SLC24A2: variants seen among roughly 807,000 people sequenced by gnomAD.
SLC24A2 encodes solute carrier family 24 member 2.
Under a neutral mutation model 62.0 loss-of-function variants are expected in SLC24A2, and 36 were observed. That is an observed-to-expected ratio of 0.58 (90% CI 0.44 to 0.77). SLC24A2 has a LOEUF of 0.77. Ranked by LOEUF, SLC24A2 falls within the 30% of genes least tolerant of loss-of-function variation. The pLI is 0.00. For missense variants in SLC24A2, 846 were observed against 817.9 expected (o/e 1.03, Z -0.42); for synonymous variants, 358 against 294.0 (o/e 1.22, Z -2.23).
In SLC24A2 at chr9:19,731,516, CG is replaced by C. The variant is rs1466709155; in HGVS notation, c.930+54420del. Among the ~76,000 whole-genome samples the C allele has an allele frequency of 7.0e-5, 8 of 113,822 alleles. No individual in the cohort carries two copies. In the South Asian group the frequency reaches 1.5e-3, roughly 21 times the overall value. The allele number at this position is 113,822 out of a possible 152,430, so 74.7% of individuals were successfully genotyped here. A position where few individuals can be genotyped will look rare whatever the true frequency, so the allele number is the denominator to read the frequency against. ...ACTTGTTTCTCTCTCTCTCTCTCTCCGTGTGTGTGTGTGTGTGTGTGTGTGT... is the reference window on the plus strand; with the variant it reads ...ACTTGTTTCTCTCTCTCTCTCTCTCCTGTGTGTGTGTGTGTGTGTGTGTGT... On this transcript the variant is annotated intron_variant, in intron 2 of 10. Coordinates refer to ENST00000341998, the MANE Select transcript of SLC24A2 (RefSeq NM_020344.4).
chr9:19,792,551 A>G (rs1823331241), upstream of SLC24A2, among the ~76,000 whole-genome samples: 1 of 150,902 alleles, frequency 6.6e-6, no homozygotes, highest in Admixed American at 6.6e-5. Flanking sequence ...AAAAAAAAAA[A>G]AAAAAAAAAT....
At chr9:20,198,993 T>C in the SLC24A2 span, among the ~76,000 whole-genome samples, 1 of 152,174 alleles carries the variant, frequency 6.6e-6, no homozygotes, top group Non-Finnish European at 1.5e-5. Context: ...CACCTCTTTT[T>C]TTTGGATGGT....
the SLC24A2 span, among the ~76,000 whole-genome samples, chr9:20,150,325 A>G: frequency 6.6e-6 from 1 of 151,992 alleles, no homozygotes; most frequent in Non-Finnish European, 1.5e-5. Context: ...TCAGCAAGAG[A>G]CAGCCACTTG....
chr9:20,238,660 G>A, the SLC24A2 span, among the ~76,000 whole-genome samples: 3 of 152,154 alleles, frequency 2.0e-5, no homozygotes, highest in African/African-American at 7.2e-5. Context: ...GCACTGTGAG[G>A]GGCCTTGTTT....
the SLC24A2 span, among the ~76,000 whole-genome samples, chr9:19,992,612 G>C: frequency 1.3e-5 from 2 of 152,154 alleles, no homozygotes; most frequent in African/African-American, 4.8e-5. Flanking sequence ...CAAGAATCTG[G>C]GGAATCTTGG....
the SLC24A2 span, among the ~76,000 whole-genome samples, chr9:19,900,877 G>A: frequency 1.3e-5 from 2 of 152,116 alleles, no homozygotes; most frequent in Non-Finnish European, 2.9e-5. Context: ...AGAAAGGAAT[G>A]GAAAAACACA....
At chr9:19,661,451 T>C (rs1278092853) in intron 2 of SLC24A2, among the ~76,000 whole-genome samples, 2 of 152,092 alleles carry the variant, frequency 1.3e-5, no homozygotes, top group African/African-American at 2.4e-5. Context: ...GTTAAAGAAA[T>C]GTCAGAATTT....
At chr9:19,524,697 C>T (rs1257640387) in intron 9 of SLC24A2, among the ~76,000 whole-genome samples, 3 of 152,110 alleles carry the variant, frequency 2.0e-5, no homozygotes, top group African/African-American at 7.2e-5. Context: ...ACTTCTCTTC[C>T]ATCAATGAAA....
the SLC24A2 span, among the ~76,000 whole-genome samples, chr9:20,081,863 A>G: frequency 6.6e-6 from 1 of 152,120 alleles, no homozygotes; most frequent in East Asian, 1.9e-4. Context: ...ACCCAACATA[A>G]ATATTCTAAT....
intron 7 of SLC24A2, among the ~76,000 whole-genome samples, chr9:19,553,195 T>G (rs1834927654): frequency 6.6e-6 from 1 of 152,202 alleles, no homozygotes; most frequent in East Asian, 1.9e-4. Context: ...GCAAGCTGGT[T>G]AGAGAAGTGG....
chr9:19,596,334 T>C (rs1432169850), intron 5 of SLC24A2, among the ~76,000 whole-genome samples: 1 of 152,190 alleles, frequency 6.6e-6, no homozygotes. Context: ...TTCCATTTCT[T>C]GTCAGTATCC....
rs1817858769 is a variant in SLC24A2 at position 19,619,582 on chromosome 9, A to G, written c.1078+2T>C. On this transcript the variant is annotated splice_donor_variant, in intron 4 of 10. Transcript: ENST00000341998. LOFTEE classifies it high-confidence loss of function. ...GTTCCCAAACCAAAGCTTGATGTTT[A>G]CCTTCGGCGAGTGGGTCAAGGGTGT... The G allele has an allele frequency of 6.2e-7, 1 of 1,608,972 alleles. No individual in the cohort carries two copies. The highest frequency in any genetic ancestry group is 8.5e-7 in the Non-Finnish European group (1 of 1,175,414).
chr9:20,076,658 T>A, the SLC24A2 span, among the ~76,000 whole-genome samples: 3 of 151,734 alleles, frequency 2.0e-5, no homozygotes, highest in Non-Finnish European at 4.4e-5. Flanking sequence ...GTGGGAGCCC[T>A]AGGAAACGAA....
At position 19,715,898 on chromosome 9, in the gene SLC24A2, T is replaced by A. The variant is rs914493329; in HGVS notation, c.930+70039A>T. Among the ~76,000 whole-genome samples the A allele has an allele frequency of 5.9e-5, 9 of 152,348 alleles. No individual in the cohort carries two copies. In the South Asian group the frequency reaches 1.9e-3, roughly 32 times the overall value. On this transcript the variant is annotated intron_variant, in intron 2 of 10. Transcript: ENST00000341998. ...ACATGTCTTTTCAAGTTCTTTTGAGTTGCAGTTGTTTTGAAGTGGGGGAGA... is the reference window on the plus strand; with the variant it reads ...ACATGTCTTTTCAAGTTCTTTTGAGATGCAGTTGTTTTGAAGTGGGGGAGA...
chr9:19,691,651 A>G (rs1018137105), intron 2 of SLC24A2, among the ~76,000 whole-genome samples: 1 of 152,184 alleles, frequency 6.6e-6, no homozygotes, highest in African/African-American at 2.4e-5. Flanking sequence ...TCTCTGGTTA[A>G]AAGTACAGAA....
the SLC24A2 span, among the ~76,000 whole-genome samples, chr9:20,091,445 T>C: frequency 6.6e-6 from 1 of 151,640 alleles, no homozygotes; most frequent in Non-Finnish European, 1.5e-5. Flanking sequence ...TAAAGGCAGC[T>C]AGAGAGAAAG....
the SLC24A2 span, among the ~76,000 whole-genome samples, chr9:19,878,990 T>A: frequency 6.6e-6 from 1 of 152,200 alleles, no homozygotes; most frequent in African/African-American, 2.4e-5. Flanking sequence ...GACTTCTCTT[T>A]GGAGACCACC....
chr9:19,833,816 G>A, the SLC24A2 span, among the ~76,000 whole-genome samples: 3 of 152,222 alleles, frequency 2.0e-5, no homozygotes, highest in African/African-American at 4.8e-5. Flanking sequence ...CCTAACTGGG[G>A]GGCACCCCCA....
At chr9:20,226,365 T>A in the SLC24A2 span, among the ~76,000 whole-genome samples, 1 of 152,130 alleles carries the variant, frequency 6.6e-6, no homozygotes, top group South Asian at 2.1e-4. Context: ...TCGGTAATGA[T>A]TTGTGGCCAT....
Sources: gnomAD v4.1 joint callset for allele counts (sites outside exome capture counted in the v4.1 genomes callset) on GRCh38, gnomAD v4.1.1 for gene constraint, MANE v1.5 for transcripts, NCBI Gene and HGNC (gene_info 2026-07-23, HGNC 2026-07-21) for gene names.